The following TET2 variants were observed in gnomAD, a reference collection of about 807,000 sequenced individuals.
The protein encoded by TET2 is tet methylcytosine dioxygenase 2.
Under a neutral mutation model 142.9 loss-of-function variants are expected in TET2, and 299 were observed. That is an observed-to-expected ratio of 2.09 (90% CI 1.90 to 2.30). The LOEUF (loss-of-function observed/expected upper bound fraction) is 2.30, where lower values mean the gene tolerates loss of function less well. Ranked by LOEUF, TET2 falls within the 30% of genes most tolerant of loss-of-function variation. TET2 has a pLI of 0.00. For missense variants in TET2, 2,418 were observed against 2,378.0 expected, an observed-to-expected ratio of 1.02 and a Z score of -0.35; for synonymous variants, 819 against 849.0, an observed-to-expected ratio of 0.96 and a Z score of 0.61.
Position 105,237,214 on chromosome 4 carries a change from C to CT in TET2, c.3272_3273insT (p.Pro1092ThrfsTer12). 1 of 1,614,134 alleles carries CT rather than the reference C, an allele frequency of 6.2e-7. No individual in the cohort carries two copies. The highest frequency in any genetic ancestry group is 8.5e-7 in the Non-Finnish European group (1 of 1,180,020). ...CAGCAAACAACTTCTTCAGAAAAGA[C>CT]ACCAACCAAAAGAACAGCTGCTTCT... On this transcript the variant is annotated frameshift_variant, in exon 3 of 11. Coordinates refer to ENST00000380013, the MANE Select transcript of TET2 (RefSeq NM_001127208.3). LOFTEE classifies it high-confidence loss of function.
At chr4:105,213,468 C>T (rs1727291634) in intron 2 of TET2, among the ~76,000 whole-genome samples, 1 of 152,222 alleles carries the variant, frequency 6.6e-6, no homozygotes, top group Admixed American at 6.5e-5. Context: ...AAATGACACA[C>T]TAATTTCTAC....
chr4:105,277,661 CAT>C lies in TET2; in HGVS notation c.*1143_*1144del, dbSNP rs1200641116. On this transcript the variant is annotated 3_prime_UTR_variant, in exon 11 of 11. Transcript: ENST00000380013. ...CAAGGGAATACGTTAGTCCACAAAACATGTTTTCTGGTGCTCATCTCACATGC... is the reference window on the plus strand; with the variant it reads ...CAAGGGAATACGTTAGTCCACAAAACGTTTTCTGGTGCTCATCTCACATGC... The C allele has an allele frequency of 4.4e-6, 1 of 229,532 alleles. No individual in the cohort carries two copies. Among genetic ancestry groups the C allele is most frequent in the Non-Finnish European group, 8.6e-6 (1 of 115,776 alleles). The allele number at this position is 229,532 out of a possible 1,614,324, so 14.2% of individuals were successfully genotyped here.
At chr4:105,160,830 G>T (rs1328976864) in intron 1 of TET2, among the ~76,000 whole-genome samples, 1 of 152,192 alleles carries the variant, frequency 6.6e-6, no homozygotes, top group Non-Finnish European at 1.5e-5. Flanking sequence ...AGGCTGGAGT[G>T]AAGCGGAGCG....
In TET2 at chr4:105,233,893, T is replaced by A. The variant is rs761038257; in HGVS notation, c.-46-4T>A. On this transcript the variant is annotated splice_region_variant and splice_polypyrimidine_tract_variant and intron_variant, in intron 2 of 10. Coordinates refer to ENST00000380013, the MANE Select transcript of TET2 (RefSeq NM_001127208.3). ...ATTTTAATTTTTGTTTCCATGCTCT[T>A]TAGAATTCAACTAGAGGGCAGCCTT... 15 of 1,508,730 alleles carry A rather than the reference T, an allele frequency of 9.9e-6. No homozygotes were observed. The highest frequency in any genetic ancestry group is 1.7e-4 in the Middle Eastern group (1 of 5,720). The allele number at this position is 1,508,730 out of a possible 1,614,324, so 93.5% of individuals were successfully genotyped here. A position where few individuals can be genotyped will look rare whatever the true frequency, so the allele number is the denominator to read the frequency against.
chr4:105,193,043 A>G (rs1403148408), intron 2 of TET2, among the ~76,000 whole-genome samples: 1 of 152,192 alleles, frequency 6.6e-6, no homozygotes, highest in African/African-American at 2.4e-5. Context: ...ACATCAGTAA[A>G]TATTTACACA....
At chr4:105,210,553 G>T (rs575090779) in intron 2 of TET2, among the ~76,000 whole-genome samples, 1 of 152,204 alleles carries the variant, frequency 6.6e-6, no homozygotes, top group South Asian at 2.1e-4. Context: ...CCACTTTAAT[G>T]ATAATGTACA....
At chr4:105,249,153 A>G (rs1729737144) in intron 6 of TET2, among the ~76,000 whole-genome samples, 1 of 151,884 alleles carries the variant, frequency 6.6e-6, no homozygotes, top group South Asian at 2.1e-4. Context: ...TCAGCCCCCA[A>G]GTAGTTGGGA....
chr4:105,278,171 C>CAT lies in TET2; in HGVS notation c.*1683_*1684dup, dbSNP rs61328453. The stretch of plus-strand genomic sequence containing the variant: ...GTACTGTAAAAAAATTAAATATATA[C>CAT]ATATATATATATATATATATATATA... On this transcript the variant is annotated 3_prime_UTR_variant, in exon 11 of 11. Transcript: ENST00000380013. 29,756 of 113,634 alleles carry CAT rather than the reference C, an allele frequency of 0.26. 3,584 individuals carry two copies. Among genetic ancestry groups the CAT allele is most frequent in the Non-Finnish European group, 0.28 (16,860 of 59,210 alleles). The allele number at this position is 113,634 out of a possible 1,614,324, so 7.0% of individuals were successfully genotyped here. A position where few individuals can be genotyped will look rare whatever the true frequency, so the allele number is the denominator to read the frequency against.
chr4:105,242,398 C>T (rs1729355566), intron 4 of TET2: 1 of 1,082,676 alleles, frequency 9.2e-7, no homozygotes. Flanking sequence ...ATTTGCCAGC[C>T]TCCTTTTCTA....
chr4:105,242,060 C>G (rs1310657623), intron 4 of TET2: 1 of 1,227,920 alleles, frequency 8.1e-7, no homozygotes, highest in Non-Finnish European at 1.0e-6. Flanking sequence ...TTATACAGCT[C>G]TGAGCTGTTC....
At chr4:105,202,451 G>C (rs780931897) in intron 2 of TET2, 8 of 152,082 alleles carry the variant, frequency 5.3e-5, no homozygotes, top group Non-Finnish European at 8.8e-5. Context: ...ATCCTAGGTC[G>C]CTTCCCACTA....
chr4:105,188,920 A>G (rs898512381), intron 1 of TET2, among the ~76,000 whole-genome samples: 3 of 152,122 alleles, frequency 2.0e-5, no homozygotes, highest in African/African-American at 4.8e-5. Context: ...AGTGATGAAA[A>G]TATTGTAGAA....
In TET2 at chr4:105,238,710, C is replaced by T. The variant is rs543213850; in HGVS notation, c.3409+1359C>T. The T allele has an allele frequency of 1.2e-4, 29 of 241,460 alleles. No individual in the cohort carries two copies. The East Asian group carries it at 1.6e-3, about 14-fold the overall frequency. 15.0% of individuals were successfully genotyped at this position (241,460 alleles called of 1,614,324 possible). On this transcript the variant is annotated intron_variant, in intron 3 of 10. Transcript: ENST00000380013. ...CTCTCCACGGAAGTCTTGAACTCCT[C>T]AAAGTAATCCATGAGGGTTGGAATC...
At chr4:105,187,984 C>A (rs756923484) in intron 1 of TET2, among the ~76,000 whole-genome samples, 10 of 152,148 alleles carry the variant, frequency 6.6e-5, no homozygotes, top group Non-Finnish European at 1.2e-4. Context: ...TACCATAAGA[C>A]CCAGTAGTTT....
At position 105,235,653 on chromosome 4, in the gene TET2, C is replaced by A; in HGVS notation, c.1711C>A (p.Arg571Ser). The A allele has an allele frequency of 6.2e-7, 1 of 1,614,158 alleles. No homozygotes were observed. Among genetic ancestry groups the A allele is most frequent in the Non-Finnish European group, 8.5e-7 (1 of 1,180,008 alleles). Reference protein sequence around the residue: ...KPGWIELKAPRFHQAESHLKR... With the variant: ...KPGWIELKAPSFHQAESHLKR... Reference sequence around the variant, plus strand: ...AGGATGGATTGAATTGAAGGCCCCTCGTTTTCACCAAGCGGAATCCCATCT... The same window carrying A: ...AGGATGGATTGAATTGAAGGCCCCTAGTTTTCACCAAGCGGAATCCCATCT... Residue 571 changes from arginine (R) to serine (S), a missense_variant, in exon 3 of 11, where the codon CGT (arginine) becomes AGT (serine). Physicochemically the swap from Arg to Ser is moderately radical, Grantham distance 110 (BLOSUM62 -1). Transcript: ENST00000380013.
chr4:105,153,057 T>C lies in TET2; in HGVS notation c.-193+6078T>C, dbSNP rs193129616. 1.4e-3 allele frequency among the ~76,000 whole-genome samples: 218 copies of C among 152,348 alleles called. 1 individual carries two copies. Among genetic ancestry groups the C allele is most frequent in the Non-Finnish European group, 2.7e-3 (181 of 68,024 alleles). On this transcript the variant is annotated intron_variant, in intron 1 of 10. Coordinates refer to ENST00000380013, the MANE Select transcript of TET2 (RefSeq NM_001127208.3). The stretch of plus-strand genomic sequence containing the variant: ...TTTAAGCACAAAAGTGAATGGTTTT[T>C]AGTAAACTTATATGGGATCATATAT...
intron 8 of TET2, among the ~76,000 whole-genome samples, chr4:105,266,892 G>A (rs888188096): frequency 6.6e-5 from 10 of 151,748 alleles, no homozygotes; most frequent in Admixed American, 2.0e-4. Context: ...CAGCAGCTCA[G>A]CAAACCCCAG....
chr4:105,224,684 G>GTTTCTCTCTCTCTC (rs754234169), intron 2 of TET2, among the ~76,000 whole-genome samples: 1 of 108,106 alleles, frequency 9.3e-6, no homozygotes, highest in African/African-American at 3.6e-5. Context: ...ATATCAGCCA[G>GTTTCTCTCTCTCTC]TCTCTCTCTC....
At chr4:105,147,224 A>G (rs1723066315) in intron 1 of TET2, among the ~76,000 whole-genome samples, 1 of 152,206 alleles carries the variant, frequency 6.6e-6, no homozygotes, top group Non-Finnish European at 1.5e-5. Context: ...TCGTCCCCTC[A>G]TCTCCCAGAA....
Sources: gnomAD v4.1 joint callset for allele counts (sites outside exome capture counted in the v4.1 genomes callset) on GRCh38, gnomAD v4.1.1 for gene constraint, MANE v1.5 for transcripts, NCBI Gene and HGNC (gene_info 2026-07-23, HGNC 2026-07-21) for gene names.